ANKRD49: variants seen among roughly 807,000 people sequenced by gnomAD.
ANKRD49 encodes ankyrin repeat domain 49, also known as ankyrin repeat domain-containing protein 49.
In ANKRD49, 18 loss-of-function variants were observed where a neutral mutation model predicts 19.6. The observed-to-expected ratio is 0.92, with a 90% CI of 0.63 to 1.36. The LOEUF (loss-of-function observed/expected upper bound fraction) is 1.36, where lower values mean the gene tolerates loss of function less well. ANKRD49 is among the 40% of genes most tolerant of loss of function. The pLI is 0.00. For synonymous variants in ANKRD49, 88 were observed against 101.8 expected (o/e 0.86, Z 0.82); for missense variants, 218 against 281.6 (o/e 0.77, Z 1.62).
Position 94,496,756 on chromosome 11 carries a change from T to C in ANKRD49, c.63T>C (p.Ser21=), listed in dbSNP as rs1947423130. 2 of 1,612,676 alleles carry C rather than the reference T, an allele frequency of 1.2e-6. No individual in the cohort carries two copies. The highest frequency in any genetic ancestry group is 1.7e-5 in the Admixed American group (1 of 59,768). ...ACCAAGAGAATTCCTTGGATTTTTC[T>C]GAACACTTTAACCAACTTGAATTGT... ...IPDQENSLDF[S]EHFNQLELLE... is the part of the protein sequence containing the mutation. The change falls in exon 2 of 3, where the codon TCT becomes TCC. Residue 21 remains serine, a synonymous_variant. Coordinates refer to ENST00000544612, the MANE Select transcript of ANKRD49 (RefSeq NM_017704.3).
In ANKRD49 at chr11:94,496,917, G is replaced by A. The variant is rs763266536; in HGVS notation, c.224G>A (p.Ser75Asn). Reference sequence around the variant, plus strand: ...GAAAAAAAAATGGAAAAAGACCCAAGCAGATTGCTTCTTTGGGCTGCTGAA... The same window carrying A: ...GAAAAAAAAATGGAAAAAGACCCAAACAGATTGCTTCTTTGGGCTGCTGAA... ...LQEKKMEKDP[S>N]RLLLWAAEKN... The change falls in exon 2 of 3, where the codon AGC (serine) becomes AAC (asparagine). Residue 75 changes from serine (S) to asparagine (N), a missense_variant. Transcript: ENST00000544612. The A allele has an allele frequency of 1.1e-5, 18 of 1,613,368 alleles. No individual in the cohort carries two copies. Among genetic ancestry groups the A allele is most frequent in the Admixed American group, 1.7e-5 (1 of 59,960 alleles).
chr11:94,496,574 T>G, intron 1 of ANKRD49, 30 bp from the exon 2 acceptor site: 1 of 902,198 alleles, frequency 1.1e-6, no homozygotes. Flanking sequence ...ATTATTGTTT[T>G]ACTAATAACT....
chr11:94,497,804 G>A (rs1263818371), intron 2 of ANKRD49: 1 of 373,028 alleles, frequency 2.7e-6, no homozygotes, highest in East Asian at 4.8e-5. Context: ...ATAAACCTTA[G>A]TTGGACCAGG....
At chr11:94,497,050 CTT>C (rs1947426749) in intron 2 of ANKRD49, 99 bp downstream of exon 2, 1 of 1,505,862 alleles carries the variant, frequency 6.6e-7, no homozygotes, top group Non-Finnish European at 9.1e-7. Context: ...ATACCTATCT[CTT>C]GATTGTGAGG....
At position 94,496,808 on chromosome 11, in the gene ANKRD49, A is replaced by C; in HGVS notation, c.115A>C (p.Thr39Pro). The change falls in exon 2 of 3, where the codon ACT becomes CCT. Residue 39 changes from threonine to proline, a missense_variant. Coordinates refer to ENST00000544612, the MANE Select transcript of ANKRD49 (RefSeq NM_017704.3). ...GGAAACACATGGACACCTTATTCCT[A>C]CTGGTACTCAAAGTCTTTGGGTAGG... ...LLETHGHLIP[T>P]GTQSLWVGNS... 3 of 1,614,082 alleles carry C rather than the reference A, an allele frequency of 1.9e-6. No individual in the cohort carries two copies. Among genetic ancestry groups the C allele is most frequent in the Non-Finnish European group, 2.5e-6 (3 of 1,179,974 alleles).
chr11:94,498,733 G>A lies in ANKRD49; in HGVS notation c.*201G>A. On this transcript the variant is annotated 3_prime_UTR_variant, in exon 3 of 3. Coordinates refer to ENST00000544612, the MANE Select transcript of ANKRD49 (RefSeq NM_017704.3). Reference sequence around the variant, plus strand: ...TGCATATATCTTTAATTATTTCTGTGGAGTTTGTGATTTTTTTATCAGAAA... The same window carrying A: ...TGCATATATCTTTAATTATTTCTGTAGAGTTTGTGATTTTTTTATCAGAAA... 1.7e-6 allele frequency: 1 copy of A among 575,768 alleles called. No individual in the cohort carries two copies. Among genetic ancestry groups the A allele is most frequent in the East Asian group, 3.0e-5 (1 of 33,670 alleles). The allele number at this position is 575,768 out of a possible 1,614,324, so 35.7% of individuals were successfully genotyped here.
Position 94,498,302 on chromosome 11 carries a change from G to A in ANKRD49, c.490G>A (p.Asp164Asn). Reference protein sequence around the residue: ...TRVASFLLQHDADINAQTKGL... With the variant: ...TRVASFLLQHNADINAQTKGL... ...AGTGGCTTCTTTCTTACTGCAGCAT[G>A]ATGCAGATATCAATGCCCAAACAAA... The change falls in exon 3 of 3, where the codon GAT (aspartate) becomes AAT (asparagine). Residue 164 changes from aspartate (D) to asparagine (N), a missense_variant. By Grantham distance (23) the Asp-to-Asn change is conservative. Coordinates refer to ENST00000544612, the MANE Select transcript of ANKRD49 (RefSeq NM_017704.3). The A allele has an allele frequency of 6.2e-7, 1 of 1,614,110 alleles. No homozygotes were observed. The highest frequency in any genetic ancestry group is 8.5e-7 in the Non-Finnish European group (1 of 1,180,006).
At position 94,498,417 on chromosome 11, in the gene ANKRD49, C is replaced by T. The variant is rs781167041; in HGVS notation, c.605C>T (p.Pro202Leu). The change falls in exon 3 of 3, where the codon CCA becomes CTA. Residue 202 changes from proline to leucine, a missense_variant. Pro to Leu is a moderately conservative substitution (Grantham distance 98). Coordinates refer to ENST00000544612, the MANE Select transcript of ANKRD49 (RefSeq NM_017704.3). ...CTCCTGATGAACCGTTACGTCAAACCAGGGCTGAAAAACAACTTGGAAGAA... is the reference window on the plus strand; with the variant it reads ...CTCCTGATGAACCGTTACGTCAAACTAGGGCTGAAAAACAACTTGGAAGAA... ...ELLLMNRYVK[P>L]GLKNNLEETA... 3 of 1,613,618 alleles carry T rather than the reference C, an allele frequency of 1.9e-6. No individual in the cohort carries two copies. The South Asian group carries it at 3.3e-5, about 18-fold the overall frequency.
chr11:94,498,337 G>A lies in ANKRD49; in HGVS notation c.525G>A (p.Leu175=). ...ADINAQTKGL[L]TPLHLAAGNR... The stretch of plus-strand genomic sequence containing the variant: ...TCAATGCCCAAACAAAAGGCCTCTT[G>A]ACCCCCTTGCATCTTGCTGCTGGGA... The change falls in exon 3 of 3, where the codon TTG becomes TTA. Residue 175 remains leucine (L), a synonymous_variant. Coordinates refer to ENST00000544612, the MANE Select transcript of ANKRD49 (RefSeq NM_017704.3). The A allele has an allele frequency of 1.2e-6, 2 of 1,613,748 alleles. No homozygotes were observed. The highest frequency in any genetic ancestry group is 1.7e-6 in the Non-Finnish European group (2 of 1,179,994).
At chr11:94,496,468 A>G in intron 1 of ANKRD49, 136 bp from the exon 2 acceptor site, 1 of 398,182 alleles carries the variant, frequency 2.5e-6, no homozygotes, top group Non-Finnish European at 4.4e-6. Context: ...ATCAGTATTT[A>G]GTGTATGTAA....
rs1355754239 is a variant in ANKRD49, at chr11:94,496,926, T to C, written c.233T>C (p.Leu78Pro). The C allele has an allele frequency of 6.2e-7, 1 of 1,613,650 alleles. No individual in the cohort carries two copies. Residue 78 changes from leucine to proline, a missense_variant, in exon 2 of 3, where the codon CTT becomes CCT. Physicochemically the swap from Leu to Pro is moderately conservative, Grantham distance 98. Transcript: ENST00000544612. ...ATGGAAAAAGACCCAAGCAGATTGC[T>C]TCTTTGGGCTGCTGAAAAAAATCGG... ...KKMEKDPSRL[L>P]LWAAEKNRLT...
In ANKRD49 at chr11:94,498,706, T is replaced by C. The variant is rs1205476264; in HGVS notation, c.*174T>C. On this transcript the variant is annotated 3_prime_UTR_variant, in exon 3 of 3. Coordinates refer to ENST00000544612, the MANE Select transcript of ANKRD49 (RefSeq NM_017704.3). Reference sequence around the variant, plus strand: ...GATGTCAAAATGTATTTGAAAGTAATTTGCATATATCTTTAATTATTTCTG... The same window carrying C: ...GATGTCAAAATGTATTTGAAAGTAACTTGCATATATCTTTAATTATTTCTG... 11 of 617,844 alleles carry C rather than the reference T, an allele frequency of 1.8e-5. No individual in the cohort carries two copies. The highest frequency in any genetic ancestry group is 1.7e-4 in the African/African-American group (9 of 54,114). The allele number at this position is 617,844 out of a possible 1,614,324, so 38.3% of individuals were successfully genotyped here. A position where few individuals can be genotyped will look rare whatever the true frequency, so the allele number is the denominator to read the frequency against.
Position 94,496,892 on chromosome 11 carries a change from G to T in ANKRD49, c.199G>T (p.Glu67Ter). The stretch of plus-strand genomic sequence containing the variant: ...AAATGAAGAGTGGTATCGATTGCAA[G>T]AAAAAAAAATGGAAAAAGACCCAAG... Reference protein sequence around the residue: ...DKNEEWYRLQEKKMEKDPSRL... With the variant: ...DKNEEWYRLQ Residue 67 changes from glutamate to a stop codon, truncating the protein, a stop_gained, in exon 2 of 3, where the codon GAA (glutamate) becomes TAA (stop). Transcript: ENST00000544612. LOFTEE classifies it high-confidence loss of function. 6.3e-7 allele frequency: 1 copy of T among 1,599,604 alleles called. No homozygotes were observed. Among genetic ancestry groups the T allele is most frequent in the Non-Finnish European group, 8.5e-7 (1 of 1,171,132 alleles).
chr11:94,494,234 C>T (rs1947375058), intron 1 of ANKRD49, 199 bp downstream of exon 1: 2 of 152,258 alleles, frequency 1.3e-5, no homozygotes, highest in Admixed American at 1.3e-4. Context: ...GCTCACGGGC[C>T]TGTGAGCTCC....
At position 94,496,769 on chromosome 11, in the gene ANKRD49, C is replaced by G; in HGVS notation, c.76C>G (p.Gln26Glu). 6.2e-7 allele frequency: 1 copy of G among 1,613,594 alleles called. No individual in the cohort carries two copies. Among genetic ancestry groups the G allele is most frequent in the Non-Finnish European group, 8.5e-7 (1 of 1,179,858 alleles). Residue 26 changes from glutamine (Q) to glutamate (E), a missense_variant, in exon 2 of 3, where the codon CAA (glutamine) becomes GAA (glutamate). Gln to Glu is a conservative substitution (Grantham distance 29, BLOSUM62 2). Transcript: ENST00000544612. The stretch of plus-strand genomic sequence containing the variant: ...CTTGGATTTTTCTGAACACTTTAAC[C>G]AACTTGAATTGTTGGAAACACATGG... ...NSLDFSEHFNQLELLETHGHL... is the reference protein window; with the variant it reads ...NSLDFSEHFNELELLETHGHL...
chr11:94,498,014 T>C (rs1293476859), intron 2 of ANKRD49, 57 bp from the exon 3 acceptor site: 12 of 1,331,776 alleles, frequency 9.0e-6, no homozygotes, highest in Non-Finnish European at 1.2e-5. Flanking sequence ...GACAATTTTG[T>C]TTTAGTTATT....
Position 94,498,354 on chromosome 11 carries a change from C to G in ANKRD49, c.542C>G (p.Ala181Gly), listed in dbSNP as rs1305275938. Residue 181 changes from alanine to glycine, a missense_variant, in exon 3 of 3, where the codon GCT becomes GGT. Ala to Gly is a moderately conservative substitution (Grantham distance 60). Transcript: ENST00000544612. The stretch of plus-strand genomic sequence containing the variant: ...GGCCTCTTGACCCCCTTGCATCTTG[C>G]TGCTGGGAACAGAGACAGCAAGGAT... ...TKGLLTPLHLAAGNRDSKDTL... is the reference protein window; with the variant it reads ...TKGLLTPLHLGAGNRDSKDTL... 6.2e-7 allele frequency: 1 copy of G among 1,613,540 alleles called. No homozygotes were observed. The highest frequency in any genetic ancestry group is 1.1e-5 in the South Asian group (1 of 91,046).
At position 94,498,144 on chromosome 11, in the gene ANKRD49, C is replaced by G; in HGVS notation, c.332C>G (p.Pro111Arg). ...ACTAGGGATGAAGATGAGTATACCCCTCTTCATCGAGCAGCCTACAGTGGA... is the reference window on the plus strand; with the variant it reads ...ACTAGGGATGAAGATGAGTATACCCGTCTTCATCGAGCAGCCTACAGTGGA... ...VNTRDEDEYT[P>R]LHRAAYSGHL... The change falls in exon 3 of 3, where the codon CCT (proline) becomes CGT (arginine). Residue 111 changes from proline to arginine, a missense_variant. Physicochemically the swap from Pro to Arg is moderately radical, Grantham distance 103. Coordinates refer to ENST00000544612, the MANE Select transcript of ANKRD49 (RefSeq NM_017704.3). 3 of 1,614,106 alleles carry G rather than the reference C, an allele frequency of 1.9e-6. No individual in the cohort carries two copies. The highest frequency in any genetic ancestry group is 2.5e-6 in the Non-Finnish European group (3 of 1,180,010).
chr11:94,497,340 G>A (rs1228247012), intron 2 of ANKRD49: 1 of 328,836 alleles, frequency 3.0e-6, no homozygotes, highest in Non-Finnish European at 5.5e-6. Context: ...GTAAGAAATT[G>A]AGATTCAGGA....
Sources: gnomAD v4.1 joint callset for allele counts on GRCh38, gnomAD v4.1.1 for gene constraint, MANE v1.5 for transcripts, NCBI Gene and HGNC (gene_info 2026-07-23, HGNC 2026-07-21) for gene names.